NEURL1B: variants seen among roughly 807,000 people sequenced by gnomAD.
NEURL1B encodes neuralized E3 ubiquitin protein ligase 1B, also known as E3 ubiquitin-protein ligase NEURL1B.
In NEURL1B, 13 loss-of-function variants were observed where a neutral mutation model predicts 37.4. The ratio of observed to expected loss-of-function variants is 0.35; its 90% confidence interval spans 0.23 to 0.55. NEURL1B has a LOEUF of 0.55. NEURL1B is among the 20% of genes least tolerant of loss of function. NEURL1B has a pLI of 0.89. For synonymous variants in NEURL1B, 432 were observed against 426.6 expected (o/e 1.01, Z -0.16); for missense variants, 790 against 879.2 (o/e 0.90, Z 1.28).
chr5:172,686,336 G>T lies in NEURL1B; in HGVS notation c.1423+40G>T, dbSNP rs1758496371. The T allele has an allele frequency of 6.5e-7, 1 of 1,545,886 alleles. No homozygotes were observed. ...ACCCTGGCAGGGGCAGGGGCTGGCG[G>T]CTGGCCTGGCTCCTCCGGCTGTGCC... On this transcript the variant is annotated intron_variant, in intron 4 of 4. Transcript: ENST00000369800. This position sits in a 1 kb window ranked among gnomAD's most constrained non-coding sequence, Gnocchi z 7.9.
At chr5:172,660,680 G>A (rs1228748062) in intron 1 of NEURL1B, among the ~76,000 whole-genome samples, 2 of 152,040 alleles carry the variant, frequency 1.3e-5, no homozygotes, top group Non-Finnish European at 2.9e-5. Flanking sequence ...TCCCTCTGTC[G>A]CCCAGGCTGG....
intron 1 of NEURL1B, among the ~76,000 whole-genome samples, chr5:172,658,035 C>T (rs1333754014): frequency 1.3e-5 from 2 of 152,210 alleles, no homozygotes; most frequent in African/African-American, 2.4e-5. Flanking sequence ...CCAGTGATCA[C>T]GTGACTTGCT....
chr5:172,649,691 C>T (rs1028703071), intron 1 of NEURL1B, among the ~76,000 whole-genome samples: 4 of 152,100 alleles, frequency 2.6e-5, no homozygotes, highest in Non-Finnish European at 4.4e-5. Flanking sequence ...ACTTAGTCCC[C>T]CTTTCAGTTC....
At chr5:172,679,298 G>A (rs1438783379) in intron 2 of NEURL1B, among the ~76,000 whole-genome samples, 1 of 152,252 alleles carries the variant, frequency 6.6e-6, no homozygotes, top group Non-Finnish European at 1.5e-5. Flanking sequence ...CTCCCACTGT[G>A]AAATGTGCCC....
chr5:172,669,473 T>C (rs1464080517), intron 1 of NEURL1B, among the ~76,000 whole-genome samples: 1 of 152,020 alleles, frequency 6.6e-6, no homozygotes, highest in Admixed American at 6.5e-5. Flanking sequence ...GAGAAGTTAT[T>C]TGGCCCCTGG....
chr5:172,652,640 G>A (rs1022934875), intron 1 of NEURL1B, among the ~76,000 whole-genome samples: 2 of 152,176 alleles, frequency 1.3e-5, no homozygotes, highest in African/African-American at 4.8e-5. Flanking sequence ...GGTCTTTATC[G>A]AAATCTTCCC....
chr5:172,667,627 T>C (rs912882903), intron 1 of NEURL1B, among the ~76,000 whole-genome samples: 7 of 151,990 alleles, frequency 4.6e-5, no homozygotes, highest in Admixed American at 4.6e-4. Flanking sequence ...CCCACCAGCT[T>C]TACTGGTACC....
intron 1 of NEURL1B, among the ~76,000 whole-genome samples, chr5:172,669,348 A>C (rs1758074786): frequency 6.6e-6 from 1 of 152,198 alleles, no homozygotes; most frequent in South Asian, 2.1e-4. Context: ...AAAGCAGCCA[A>C]ATATCTCCAC....
chr5:172,646,852 G>T (rs1757570763), intron 1 of NEURL1B, among the ~76,000 whole-genome samples: 1 of 151,850 alleles, frequency 6.6e-6, no homozygotes, highest in Non-Finnish European at 1.5e-5. Context: ...CCTGAGGGAG[G>T]GGGAGCAGCA....
intron 1 of NEURL1B, among the ~76,000 whole-genome samples, chr5:172,658,411 C>T (rs1006780061): frequency 3.9e-5 from 6 of 152,070 alleles, no homozygotes; most frequent in African/African-American, 1.4e-4. Flanking sequence ...GGCTTTCAGG[C>T]GTTTGGGGGA....
Position 172,641,390 on chromosome 5 carries a change from C to T in NEURL1B, c.-17C>T. The T allele has an allele frequency of 7.2e-7, 1 of 1,386,006 alleles. No homozygotes were observed. The highest frequency in any genetic ancestry group is 3.0e-5 in the Admixed American group (1 of 33,618). The allele number at this position is 1,386,006 out of a possible 1,614,324, so 85.9% of individuals were successfully genotyped here. A position where few individuals can be genotyped will look rare whatever the true frequency, so the allele number is the denominator to read the frequency against. On this transcript the variant is annotated 5_prime_UTR_variant, in exon 1 of 5. Coordinates refer to ENST00000369800, the MANE Select transcript of NEURL1B (RefSeq NM_001142651.3). The surrounding 1 kb of genome is among the most constrained non-coding windows in gnomAD (Gnocchi z 6.4). ...CGCCCAGAGCGCGCCGCCGCCAACGCCGCGCCCGACGCAGCGATGGGCAAC... is the reference window on the plus strand; with the variant it reads ...CGCCCAGAGCGCGCCGCCGCCAACGTCGCGCCCGACGCAGCGATGGGCAAC...
rs1213076321 is a variant in NEURL1B at position 172,691,083 on chromosome 5, T to C, written c.*4158T>C. The C allele has an allele frequency of 6.6e-6, 1 of 152,166 alleles. No individual in the cohort carries two copies. The highest frequency in any genetic ancestry group is 2.4e-5 in the African/African-American group (1 of 41,434). The allele number at this position is 152,166 out of a possible 1,614,324, so 9.4% of individuals were successfully genotyped here. A position where few individuals can be genotyped will look rare whatever the true frequency, so the allele number is the denominator to read the frequency against. Reference sequence around the variant, plus strand: ...TATCCGAGTCCCTAATGAAACGACTTGTGTGACAATCTGTCTGTGCCTTAC... The same window carrying C: ...TATCCGAGTCCCTAATGAAACGACTCGTGTGACAATCTGTCTGTGCCTTAC... On this transcript the variant is annotated 3_prime_UTR_variant, in exon 5 of 5. Transcript: ENST00000369800.
intron 1 of NEURL1B, among the ~76,000 whole-genome samples, chr5:172,643,767 C>G (rs752377906): frequency 2.0e-5 from 3 of 152,214 alleles, no homozygotes; most frequent in Non-Finnish European, 4.4e-5. Flanking sequence ...GAAAAGGACA[C>G]ATGCGTGGGG....
chr5:172,650,467 G>T (rs952781744), intron 1 of NEURL1B, among the ~76,000 whole-genome samples: 3 of 152,152 alleles, frequency 2.0e-5, no homozygotes, highest in African/African-American at 7.2e-5. Context: ...AGGTCACCAG[G>T]TGATTACAAA....
Position 172,641,665 on chromosome 5 carries a change from C to T in NEURL1B, c.31+228C>T, listed in dbSNP as rs927457431. Among the ~76,000 whole-genome samples the T allele has an allele frequency of 1.6e-4, 25 of 152,190 alleles. No homozygotes were observed. Among genetic ancestry groups the T allele is most frequent in the African/African-American group, 6.0e-4 (25 of 41,462 alleles). On this transcript the variant is annotated intron_variant, in intron 1 of 4. Coordinates refer to ENST00000369800, the MANE Select transcript of NEURL1B (RefSeq NM_001142651.3). This position sits in a 1 kb window ranked among gnomAD's most constrained non-coding sequence, Gnocchi z 6.4. ...TGGTTACCTTGGGGACCCCAGTCCT[C>T]ATTCTCCCGGCTTTGGCCAGATGCG...
At chr5:172,649,345 CTTTTTTTTTTTTTTTTTTT>C (rs70984904) in intron 1 of NEURL1B, among the ~76,000 whole-genome samples, 5 of 65,158 alleles carry the variant, frequency 7.7e-5, no homozygotes, top group Non-Finnish European at 1.1e-4. Flanking sequence ...CCCTTCACTT[CTTTTTTTTTTTTTTTTTTT>C]TTTTTTTTTT....
At chr5:172,654,588 T>C (rs1481142368) in intron 1 of NEURL1B, among the ~76,000 whole-genome samples, 1 of 151,954 alleles carries the variant, frequency 6.6e-6, no homozygotes, top group East Asian at 1.9e-4. Context: ...TTTTTTTTTT[T>C]TTTTACTTAG....
chr5:172,649,857 A>G (rs1345930328), intron 1 of NEURL1B, among the ~76,000 whole-genome samples: 3 of 152,076 alleles, frequency 2.0e-5, no homozygotes, highest in African/African-American at 7.3e-5. Flanking sequence ...AGAGTTTGGG[A>G]CAGCCATCCC....
intron 2 of NEURL1B, among the ~76,000 whole-genome samples, chr5:172,679,306 C>A (rs1159194309): frequency 1.3e-5 from 2 of 152,224 alleles, no homozygotes; most frequent in African/African-American, 2.4e-5. Flanking sequence ...GTGAAATGTG[C>A]CCATTTTACA....
Sources: gnomAD v4.1 joint callset for allele counts (sites outside exome capture counted in the v4.1 genomes callset) on GRCh38, gnomAD v4.1.1 for gene constraint, Gnocchi (gnomAD v3.1) non-coding constraint, MANE v1.5 for transcripts, NCBI Gene and HGNC (gene_info 2026-07-23, HGNC 2026-07-21) for gene names.